Variants in RMST observed in about 807,000 individuals in gnomAD.
RMST encodes long intergenic non-protein coding RNA 54.
At chr12:97,536,062 C>A (rs780915321) in intron 11 of RMST, among the ~76,000 whole-genome samples, 6 of 151,544 alleles carry the variant, frequency 4.0e-5, no homozygotes. Context: ...TGTCCTACCT[C>A]ATATGGTTTC....
chr12:97,504,882 T>G (rs926832207), intron 10 of RMST, among the ~76,000 whole-genome samples: 1 of 152,100 alleles, frequency 6.6e-6, no homozygotes, highest in African/African-American at 2.4e-5. Flanking sequence ...TTTGGACACA[T>G]AGAAAATGAC....
chr12:97,488,247 G>A (rs1876348863), intron 5 of RMST, among the ~76,000 whole-genome samples: 1 of 152,176 alleles, frequency 6.6e-6, no homozygotes, highest in African/African-American at 2.4e-5. Context: ...AGCTGGTGGT[G>A]CATGCCTGTG....
intron 10 of RMST, among the ~76,000 whole-genome samples, chr12:97,529,605 G>A (rs1881449331): frequency 6.6e-6 from 1 of 151,646 alleles, no homozygotes; most frequent in South Asian, 2.1e-4. Flanking sequence ...TTATTTTGTT[G>A]ATACTCAGAC....
intron 10 of RMST, among the ~76,000 whole-genome samples, chr12:97,524,040 C>A (rs573540390): frequency 2.5e-5 from 3 of 118,630 alleles, no homozygotes; most frequent in African/African-American, 9.7e-5. Flanking sequence ...CGCGCCACTG[C>A]AGTCCAGCCT....
At chr12:97,499,666 T>TTCTTTTTTCTTTCTTTTTTTTC (rs1877866085) in intron 10 of RMST, among the ~76,000 whole-genome samples, 1 of 142,780 alleles carries the variant, frequency 7.0e-6, no homozygotes, top group Non-Finnish European at 1.6e-5. Context: ...TCTTTTTTTT[T>TTCTTTTTTCTTTCTTTTTTTTC]TTTTTTTGAG....
In RMST at chr12:97,478,021, A is replaced by G. The variant is rs548263619; in HGVS notation, n.644+12294A>G. 2.0e-5 allele frequency among the ~76,000 whole-genome samples: 3 copies of G among 152,300 alleles called. No homozygotes were observed. In the South Asian group the frequency reaches 6.2e-4, roughly 32 times the overall value. On this transcript the variant is annotated intron_variant and non_coding_transcript_variant, in intron 5 of 13. Coordinates refer to ENST00000640149, the Ensembl canonical transcript of RMST. Reference sequence around the variant, plus strand: ...CTAAGTGAATAGAGCAGAAACAGAAATGAATTATTTGTCTCCAGAAATTGT... The same window carrying G: ...CTAAGTGAATAGAGCAGAAACAGAAGTGAATTATTTGTCTCCAGAAATTGT...
At chr12:97,480,847 A>G (rs116954293) in intron 5 of RMST, among the ~76,000 whole-genome samples, 246 of 152,220 alleles carry the variant, frequency 1.6e-3, no homozygotes, top group Middle Eastern at 3.4e-3. Context: ...AGTCAACACA[A>G]GTGTGTCACC....
intron 10 of RMST, among the ~76,000 whole-genome samples, chr12:97,526,615 GTAATAA>G (rs1881138604): frequency 1.3e-5 from 2 of 152,180 alleles, no homozygotes; most frequent in Non-Finnish European, 2.9e-5. Context: ...AGGAGGCAGG[GTAATAA>G]TAATAATTGA....
intron 11 of RMST, among the ~76,000 whole-genome samples, chr12:97,553,625 G>A (rs1883467884): frequency 6.6e-6 from 1 of 152,124 alleles, no homozygotes; most frequent in Non-Finnish European, 1.5e-5. Context: ...CTCAACTTCA[G>A]AAATGCTGTG....
At chr12:97,483,217 A>G (rs1294927153) in intron 5 of RMST, among the ~76,000 whole-genome samples, 1 of 152,164 alleles carries the variant, frequency 6.6e-6, no homozygotes, top group African/African-American at 2.4e-5. Flanking sequence ...TGATGGTGAA[A>G]GTGGGATGTG....
intron 5 of RMST, among the ~76,000 whole-genome samples, chr12:97,485,274 G>A (rs1489885433): frequency 6.6e-6 from 1 of 151,998 alleles, no homozygotes; most frequent in East Asian, 1.9e-4. Flanking sequence ...TGACCCTTAG[G>A]TACAATAAGA....
chr12:97,474,026 TA>T (rs1874233858), intron 5 of RMST, among the ~76,000 whole-genome samples: 1 of 152,040 alleles, frequency 6.6e-6, no homozygotes, highest in Non-Finnish European at 1.5e-5. Flanking sequence ...AAGAATTGGC[TA>T]AAAAAATACA....
intron 11 of RMST, chr12:97,541,221 A>C (rs1882496343): frequency 6.6e-6 from 1 of 151,696 alleles, no homozygotes; most frequent in Non-Finnish European, 1.5e-5. Flanking sequence ...AGACAAGACA[A>C]GTAATATTGC....
chr12:97,496,832 T>A (rs1877482801), intron 10 of RMST, among the ~76,000 whole-genome samples: 1 of 152,230 alleles, frequency 6.6e-6, no homozygotes, highest in African/African-American at 2.4e-5. Flanking sequence ...ATTATCAGTT[T>A]GCATTGACAT....
At chr12:97,537,316 A>G (rs1882149654) in intron 11 of RMST, among the ~76,000 whole-genome samples, 1 of 151,350 alleles carries the variant, frequency 6.6e-6, no homozygotes. Flanking sequence ...CAACTTTACT[A>G]TGTGGAAACA....
At chr12:97,554,169 G>T (rs1313260918) in intron 11 of RMST, among the ~76,000 whole-genome samples, 1 of 151,872 alleles carries the variant, frequency 6.6e-6, no homozygotes, top group African/African-American at 2.4e-5. Context: ...GGTCATGCTG[G>T]TCTTGAACTC....
At chr12:97,554,174 G>C (rs1416434256) in intron 11 of RMST, among the ~76,000 whole-genome samples, 1 of 151,854 alleles carries the variant, frequency 6.6e-6, no homozygotes, top group Non-Finnish European at 1.5e-5. Flanking sequence ...TGCTGGTCTT[G>C]AACTCCCGAC....
intron 5 of RMST, among the ~76,000 whole-genome samples, chr12:97,467,706 C>T (rs1873365699): frequency 6.6e-6 from 1 of 151,994 alleles, no homozygotes; most frequent in Non-Finnish European, 1.5e-5. Flanking sequence ...TTTCTGCCTA[C>T]TATAATTCTG....
At chr12:97,520,748 T>TA (rs1200484146) in intron 10 of RMST, among the ~76,000 whole-genome samples, 1 of 152,186 alleles carries the variant, frequency 6.6e-6, no homozygotes, top group Non-Finnish European at 1.5e-5. Context: ...CAGGTTTGCA[T>TA]AAAAAATGGG....
Sources: allele counts gnomAD v4.1 joint callset (sites outside exome capture counted in the v4.1 genomes callset), GRCh38; gene constraint gnomAD v4.1.1; transcripts MANE v1.5; gene names NCBI Gene and HGNC (gene_info 2026-07-23, HGNC 2026-07-21).